ABLIM2: variants seen among roughly 807,000 people sequenced by gnomAD.
The protein encoded by ABLIM2 is actin binding LIM protein family member 2.
In ABLIM2, 53 loss-of-function variants were observed where a neutral mutation model predicts 97.7. That is an observed-to-expected ratio of 0.54 (90% CI 0.44 to 0.68). ABLIM2 has a LOEUF of 0.68. Ranked by LOEUF, ABLIM2 falls within the 30% of genes least tolerant of loss-of-function variation. The pLI, the probability that ABLIM2 is intolerant of heterozygous loss-of-function variation, is 0.00. For missense variants in ABLIM2, 835 were observed against 867.2 expected (o/e 0.96, Z 0.47); for synonymous variants, 361 against 345.8 (o/e 1.04, Z -0.49).
rs1178980362 is a variant in ABLIM2, at chr4:8,128,920, G to A, written c.11-22283C>T. Among the ~76,000 whole-genome samples the A allele has an allele frequency of 6.6e-6, 1 of 152,108 alleles. No homozygotes were observed. ...CCGACCATGCTGGCACTCTGATCTT[G>A]GACTTCCAGCCTCCAGAACTGAGAA... is the stretch of plus-strand genomic sequence containing the variant. On this transcript the variant is annotated intron_variant, in intron 1 of 20. Transcript: ENST00000447017. This position sits in a 1 kb window ranked among gnomAD's most constrained non-coding sequence, Gnocchi z 4.9.
chr4:8,054,341 C>T lies in ABLIM2; in HGVS notation c.764-95G>A. 2.3e-6 allele frequency: 3 copies of T among 1,323,474 alleles called. No individual in the cohort carries two copies. The highest frequency in any genetic ancestry group is 4.7e-4 in the Middle Eastern group (2 of 4,264). The allele number at this position is 1,323,474 out of a possible 1,614,324, so 82.0% of individuals were successfully genotyped here. On this transcript the variant is annotated intron_variant, in intron 7 of 20. Coordinates refer to ENST00000447017, the MANE Select transcript of ABLIM2 (RefSeq NM_001130083.2). The surrounding 1 kb of genome is among the most constrained non-coding windows in gnomAD (Gnocchi z 4.9). ...GCAGAGGAGGGAGCTGGTCCATGCA[C>T]AGACGTGCACTCGGACTCCACCCTC...
intron 6 of ABLIM2, among the ~76,000 whole-genome samples, chr4:8,073,760 C>T (rs999729033): frequency 1.3e-5 from 2 of 152,192 alleles, no homozygotes; most frequent in East Asian, 1.9e-4. Context: ...ACATTTACAA[C>T]AGATAACTGA....
In ABLIM2 at chr4:7,970,903, G is replaced by A. The variant is rs76656260; in HGVS notation, c.1825-3800C>T. On this transcript the variant is annotated intron_variant, in intron 20 of 20. Transcript: ENST00000447017. This position sits in a 1 kb window ranked among gnomAD's most constrained non-coding sequence, Gnocchi z 5.3. ...GTGGCCTACAGGGCCCAGGACTTGG[G>A]GCCAGGGGTCTAGGGGGCTGACAGG... 0.029 allele frequency among the ~76,000 whole-genome samples: 4,393 copies of A among 152,122 alleles called. 119 individuals carry two copies. Among genetic ancestry groups the A allele is most frequent in the Non-Finnish European group, 0.044 (2,997 of 67,960 alleles).
chr4:7,987,906 G>T (rs746585956), intron 17 of ABLIM2, among the ~76,000 whole-genome samples: 1 of 152,188 alleles, frequency 6.6e-6, no homozygotes, highest in Non-Finnish European at 1.5e-5. Context: ...TGGCCAGAGG[G>T]CACCACAAAG....
chr4:8,072,316 G>A lies in ABLIM2; in HGVS notation c.675+5312C>T, dbSNP rs1208172492. 1.3e-5 allele frequency among the ~76,000 whole-genome samples: 2 copies of A among 148,298 alleles called. No homozygotes were observed. Among genetic ancestry groups the A allele is most frequent in the Non-Finnish European group, 3.0e-5 (2 of 67,166 alleles). On this transcript the variant is annotated intron_variant, in intron 6 of 20. Transcript: ENST00000447017. This position sits in a 1 kb window ranked among gnomAD's most constrained non-coding sequence, Gnocchi z 5.8. ...GACGCTTGCCTCCCAATCCATCAAG[G>A]GGAGGGGGGGCTGCCTGATGAAACC...
At position 7,966,480 on chromosome 4, in the gene ABLIM2, C is replaced by T. The variant is rs1453500859; in HGVS notation, c.*510G>A. On this transcript the variant is annotated 3_prime_UTR_variant, in exon 21 of 21. Coordinates refer to ENST00000447017, the MANE Select transcript of ABLIM2 (RefSeq NM_001130083.2). The stretch of plus-strand genomic sequence containing the variant: ...AGACGCCTGCAAAAATCACACACCC[C>T]ACTCTTGGCACTGTCCCAGACGCTC... The T allele has an allele frequency of 1.9e-5, 3 of 154,672 alleles. No homozygotes were observed. The highest frequency in any genetic ancestry group is 7.2e-5 in the African/African-American group (3 of 41,484). 9.6% of individuals were successfully genotyped at this position (154,672 alleles called of 1,614,324 possible). A position where few individuals can be genotyped will look rare whatever the true frequency, so the allele number is the denominator to read the frequency against.
At chr4:7,995,649 T>TA (rs1752772955) in intron 16 of ABLIM2, among the ~76,000 whole-genome samples, 1 of 152,028 alleles carries the variant, frequency 6.6e-6, no homozygotes, top group Admixed American at 6.5e-5. Context: ...AGTGGAAAGG[T>TA]TCCACATGGG....
At position 8,046,546 on chromosome 4, in the gene ABLIM2, C is replaced by A. The variant is rs1460003769; in HGVS notation, c.823-1305G>T. Among the ~76,000 whole-genome samples, 3 of 152,158 alleles carry A rather than the reference C, an allele frequency of 2.0e-5. No individual in the cohort carries two copies. Among genetic ancestry groups the A allele is most frequent in the Admixed American group, 2.0e-4 (3 of 15,274 alleles). ...CTGCTGCTTCGATGGTTTCCCACCC[C>A]GACCACAGCCCCCACTGCAGCTCCC... is the stretch of plus-strand genomic sequence containing the variant. On this transcript the variant is annotated intron_variant, in intron 8 of 20. Coordinates refer to ENST00000447017, the MANE Select transcript of ABLIM2 (RefSeq NM_001130083.2). The surrounding 1 kb of genome is among the most constrained non-coding windows in gnomAD (Gnocchi z 4.4).
chr4:8,080,590 C>G (rs920642470), intron 5 of ABLIM2, 86 bp downstream of exon 5: 1 of 1,386,794 alleles, frequency 7.2e-7, no homozygotes, highest in Admixed American at 2.7e-5. Flanking sequence ...GAGAGGGTGG[C>G]GCTGGGGACA....
intron 20 of ABLIM2, among the ~76,000 whole-genome samples, chr4:7,978,232 G>C (rs543949274): frequency 2.0e-5 from 3 of 152,324 alleles, no homozygotes; most frequent in South Asian, 2.1e-4. Context: ...AGCCGCTGCT[G>C]AGAAAAGAGG....
rs553792383 is a variant in ABLIM2, at chr4:8,046,922, G to A, written c.823-1681C>T. On this transcript the variant is annotated intron_variant, in intron 8 of 20. Transcript: ENST00000447017. This position sits in a 1 kb window ranked among gnomAD's most constrained non-coding sequence, Gnocchi z 4.4. ...GGGAGAAACCACCCCAGCTAACCCC[G>A]TGATCTTGGCCTTTTGGGCTCCAGA... Among the ~76,000 whole-genome samples, 1 of 152,308 alleles carries A rather than the reference G, an allele frequency of 6.6e-6. No individual in the cohort carries two copies. The highest frequency in any genetic ancestry group is 2.4e-5 in the African/African-American group (1 of 41,570).
intron 1 of ABLIM2, among the ~76,000 whole-genome samples, chr4:8,108,453 C>T (rs1362185240): frequency 2.0e-5 from 3 of 152,342 alleles, no homozygotes; most frequent in South Asian, 2.1e-4. Context: ...GAGTCAAGTC[C>T]GGCCACGGTA....
At chr4:8,137,744 G>A (rs569871664) in intron 1 of ABLIM2, among the ~76,000 whole-genome samples, 380 of 152,356 alleles carry the variant, frequency 2.5e-3, no homozygotes, top group African/African-American at 8.9e-3. Flanking sequence ...CAGCCACTGT[G>A]GAAAAGTAGG....
At chr4:8,142,873 C>T (rs967653481) in intron 1 of ABLIM2, among the ~76,000 whole-genome samples, 9 of 152,186 alleles carry the variant, frequency 5.9e-5, no homozygotes, top group African/African-American at 1.7e-4. Context: ...CAGCCTGGCC[C>T]GGCCCTTGAG....
At chr4:8,106,034 T>G (rs1434963847) in intron 2 of ABLIM2, among the ~76,000 whole-genome samples, 1 of 152,176 alleles carries the variant, frequency 6.6e-6, no homozygotes, top group Non-Finnish European at 1.5e-5. Flanking sequence ...GAAATTGAAG[T>G]GATTTTAGTC....
intron 20 of ABLIM2, among the ~76,000 whole-genome samples, chr4:7,969,171 T>G (rs969240873): frequency 1.3e-5 from 2 of 149,062 alleles, no homozygotes; most frequent in Non-Finnish European, 3.0e-5. Context: ...ATGGTCAATT[T>G]GGATGGGTGT....
At chr4:8,037,726 C>T (rs559308613) in intron 9 of ABLIM2, among the ~76,000 whole-genome samples, 3 of 152,390 alleles carry the variant, frequency 2.0e-5, no homozygotes, top group African/African-American at 7.2e-5. Flanking sequence ...CTGCCTGCAG[C>T]AAAGCACCTG....
At chr4:8,025,450 G>A (rs1278130806) in intron 12 of ABLIM2, among the ~76,000 whole-genome samples, 8 of 152,152 alleles carry the variant, frequency 5.3e-5, no homozygotes, top group Non-Finnish European at 8.8e-5. Context: ...CTCCAAACTG[G>A]TGGTGGGTAG....
rs1181626961 is a variant in ABLIM2, at chr4:8,069,776, T to C, written c.675+7852A>G. On this transcript the variant is annotated intron_variant, in intron 6 of 20. Coordinates refer to ENST00000447017, the MANE Select transcript of ABLIM2 (RefSeq NM_001130083.2). The surrounding 1 kb of genome is among the most constrained non-coding windows in gnomAD (Gnocchi z 4.2). The stretch of plus-strand genomic sequence containing the variant: ...GTACGTTTCGGTGTGTCCATGCATG[T>C]TGTCTGTGTCTCTCCGTGTGCTTGT... Among the ~76,000 whole-genome samples, 2 of 152,038 alleles carry C rather than the reference T, an allele frequency of 1.3e-5. No individual in the cohort carries two copies. Among genetic ancestry groups the C allele is most frequent in the Non-Finnish European group, 2.9e-5 (2 of 67,974 alleles).
Sources: gnomAD v4.1 joint callset for allele counts (sites outside exome capture counted in the v4.1 genomes callset) on GRCh38, gnomAD v4.1.1 for gene constraint, Gnocchi (gnomAD v3.1) non-coding constraint, MANE v1.5 for transcripts, NCBI Gene and HGNC (gene_info 2026-07-23, HGNC 2026-07-21) for gene names.